SSBP2: variants seen among roughly 807,000 people sequenced by gnomAD.
SSBP2 encodes the protein single stranded DNA binding protein 2.
SSBP2 carries 17 observed loss-of-function variants against 61.8 expected under a neutral mutation model. The ratio of observed to expected loss-of-function variants is 0.28; its 90% confidence interval spans 0.19 to 0.41. The LOEUF is 0.41. Among genes scored for constraint, SSBP2 ranks in the 10% least tolerant of loss-of-function variants. The pLI is 1.00. For synonymous variants in SSBP2, 139 were observed against 141.3 expected (o/e 0.98, Z 0.12); for missense variants, 310 against 458.7 (o/e 0.68, Z 2.96).
intron 4 of SSBP2, among the ~76,000 whole-genome samples, chr5:81,591,070 G>A (rs1775464749): frequency 6.6e-6 from 1 of 152,134 alleles, no homozygotes; most frequent in Non-Finnish European, 1.5e-5. Flanking sequence ...TCAGACAGAG[G>A]GGCAAGATAA....
In SSBP2 at chr5:81,426,915, T is replaced by A. The variant is rs539338046; in HGVS notation, c.1056+1670A>T. Reference sequence around the variant, plus strand: ...CATTTCCTCTGACTTTTAAAATACATGGCTTATATATACATTACAGCACTC... The same window carrying A: ...CATTTCCTCTGACTTTTAAAATACAAGGCTTATATATACATTACAGCACTC... On this transcript the variant is annotated intron_variant, in intron 16 of 16. Coordinates refer to ENST00000320672, the MANE Select transcript of SSBP2 (RefSeq NM_012446.5). Among the ~76,000 whole-genome samples, 6 of 152,362 alleles carry A rather than the reference T, an allele frequency of 3.9e-5. No individual in the cohort carries two copies. In the South Asian group the frequency reaches 1.2e-3, roughly 32 times the overall value.
intron 1 of SSBP2, among the ~76,000 whole-genome samples, chr5:81,709,186 A>T (rs1351454725): frequency 3.3e-5 from 5 of 152,044 alleles, no homozygotes; most frequent in Non-Finnish European, 7.4e-5. Context: ...TTGAGTCGAC[A>T]CTATTAAAGT....
upstream of SSBP2, chr5:81,751,701 G>T (rs1253431177): frequency 6.6e-6 from 1 of 152,668 alleles, no homozygotes; most frequent in Non-Finnish European, 1.5e-5. Flanking sequence ...CCTACTCCCT[G>T]GGGTGTCGCC....
chr5:81,719,143 G>A (rs191225883), intron 1 of SSBP2, among the ~76,000 whole-genome samples: 2 of 152,162 alleles, frequency 1.3e-5, no homozygotes, highest in African/African-American at 4.8e-5. Flanking sequence ...TCCAGACGAG[G>A]TTGCCACAGG....
rs967986846 is a variant in SSBP2, at chr5:81,442,563, T to C, written c.849+90A>G. 9 of 707,570 alleles carry C rather than the reference T, an allele frequency of 1.3e-5. 1 individual carries two copies. The highest frequency in any genetic ancestry group is 7.6e-5 in the African/African-American group (4 of 52,546). 43.8% of individuals were successfully genotyped at this position (707,570 alleles called of 1,614,324 possible). ...TAATAAGCTCCTGGATAATAAAATA[T>C]AAAGTTTAAACAATATACAGGACAT... is the stretch of plus-strand genomic sequence containing the variant. On this transcript the variant is annotated intron_variant, in intron 13 of 16. Transcript: ENST00000320672.
chr5:81,493,119 G>A (rs1766984626), intron 5 of SSBP2, among the ~76,000 whole-genome samples: 1 of 151,712 alleles, frequency 6.6e-6, no homozygotes, highest in Admixed American at 6.6e-5. Flanking sequence ...CAGATTAAAG[G>A]TCAATTAGGA....
At chr5:81,625,154 A>C (rs1230929402) in intron 3 of SSBP2, among the ~76,000 whole-genome samples, 1 of 152,178 alleles carries the variant, frequency 6.6e-6, no homozygotes, top group Non-Finnish European at 1.5e-5. Flanking sequence ...TTAGTATACA[A>C]AAATGTAGAC....
chr5:81,506,499 A>C (rs1768192001), intron 5 of SSBP2, among the ~76,000 whole-genome samples: 1 of 152,176 alleles, frequency 6.6e-6, no homozygotes, highest in Admixed American at 6.5e-5. Context: ...TCTAAGATCT[A>C]AGATGGTATT....
chr5:81,499,272 T>A (rs975333421), intron 5 of SSBP2, among the ~76,000 whole-genome samples: 4 of 152,324 alleles, frequency 2.6e-5, no homozygotes, highest in African/African-American at 9.6e-5. Flanking sequence ...GTTTCCTTGA[T>A]GCTATTTTGG....
At chr5:81,750,316 C>T (rs961775087) in intron 1 of SSBP2, among the ~76,000 whole-genome samples, 2 of 147,318 alleles carry the variant, frequency 1.4e-5, no homozygotes, top group African/African-American at 5.0e-5. Context: ...GTAGCTGGCC[C>T]AGGAAAGCCC....
chr5:81,504,817 AG>A (rs200309844), intron 5 of SSBP2, among the ~76,000 whole-genome samples: 2 of 152,196 alleles, frequency 1.3e-5, no homozygotes, highest in South Asian at 2.1e-4. Context: ...TATGAATGGC[AG>A]GGGGGCAATA....
chr5:81,565,949 T>C (rs1408400890), intron 4 of SSBP2, among the ~76,000 whole-genome samples: 1 of 152,142 alleles, frequency 6.6e-6, no homozygotes, highest in African/African-American at 2.4e-5. Context: ...TAAAAAAATA[T>C]TCAATTCAGA....
At chr5:81,746,868 AAATT>A (rs1757377169) in intron 1 of SSBP2, among the ~76,000 whole-genome samples, 1 of 152,154 alleles carries the variant, frequency 6.6e-6, no homozygotes, top group Non-Finnish European at 1.5e-5. Context: ...GTTTAATAAA[AAATT>A]AATATCACTA....
intron 4 of SSBP2, among the ~76,000 whole-genome samples, chr5:81,541,853 C>T (rs188154204): frequency 2.3e-4 from 35 of 152,290 alleles, no homozygotes; most frequent in Non-Finnish European, 4.4e-4. Context: ...TTCTGGACTT[C>T]GTCCATGGCA....
At chr5:81,734,273 GT>G in intron 1 of SSBP2, among the ~76,000 whole-genome samples, 1 of 152,146 alleles carries the variant, frequency 6.6e-6, no homozygotes, top group Admixed American at 6.5e-5. Flanking sequence ...AGAAAAAAAT[GT>G]GATAAGTAAA....
chr5:81,437,537 G>C, intron 14 of SSBP2, 79 bp from the exon 15 acceptor site: 1 of 1,273,164 alleles, frequency 7.9e-7, no homozygotes, highest in Non-Finnish European at 1.1e-6. Context: ...ATTTAAATAA[G>C]TGAAGTATAC....
chr5:81,681,972 C>G (rs1752422149), intron 1 of SSBP2, among the ~76,000 whole-genome samples: 1 of 152,122 alleles, frequency 6.6e-6, no homozygotes, highest in Non-Finnish European at 1.5e-5. Flanking sequence ...ATGAAATAGA[C>G]CAGTTCCTTG....
chr5:81,618,264 C>T (rs1345793565), intron 3 of SSBP2, among the ~76,000 whole-genome samples: 1 of 94,656 alleles, frequency 1.1e-5, no homozygotes. Flanking sequence ...GAAGATCTAC[C>T]AAGCCAATGG....
chr5:81,720,478 G>A (rs1232800870), intron 1 of SSBP2, among the ~76,000 whole-genome samples: 1 of 152,094 alleles, frequency 6.6e-6, no homozygotes, highest in Non-Finnish European at 1.5e-5. Flanking sequence ...AAAGCTTCAG[G>A]TGCTAAAACA....
Sources: allele counts gnomAD v4.1 joint callset (sites outside exome capture counted in the v4.1 genomes callset), GRCh38; gene constraint gnomAD v4.1.1; transcripts MANE v1.5; gene names NCBI Gene and HGNC (gene_info 2026-07-23, HGNC 2026-07-21).